CACHD1: variants seen among roughly 807,000 people sequenced by gnomAD.
CACHD1 encodes the protein VWFA and cache domain-containing protein 1.
In CACHD1, 71 loss-of-function variants were observed where a neutral mutation model predicts 138.7. That is an observed-to-expected ratio of 0.51 (90% CI 0.42 to 0.62). The LOEUF (loss-of-function observed/expected upper bound fraction) is 0.62, where lower values mean the gene tolerates loss of function less well. Among genes scored for constraint, CACHD1 ranks in the 20% least tolerant of loss-of-function variants. The pLI, the probability that CACHD1 is intolerant of heterozygous loss-of-function variation, is 0.00. For missense variants in CACHD1, 1,389 were observed against 1,625.3 expected (o/e 0.85, Z 2.50); for synonymous variants, 578 against 591.5 (o/e 0.98, Z 0.33).
At chr1:64,586,645 A>G (rs1647053685) in intron 3 of CACHD1, among the ~76,000 whole-genome samples, 1 of 152,180 alleles carries the variant, frequency 6.6e-6, no homozygotes, top group South Asian at 2.1e-4. Context: ...TGGTTGTTAT[A>G]GAGGAGATGT....
At chr1:64,560,498 G>A (rs887825135) in intron 2 of CACHD1, among the ~76,000 whole-genome samples, 5 of 151,840 alleles carry the variant, frequency 3.3e-5, no homozygotes, top group African/African-American at 9.7e-5. Flanking sequence ...TTTTCAAAAC[G>A]TTGTGGTCTT....
Position 64,634,270 on chromosome 1 carries a change from T to A in CACHD1, c.1006+10T>A. The A allele has an allele frequency of 6.2e-7, 1 of 1,611,110 alleles. No homozygotes were observed. The highest frequency in any genetic ancestry group is 8.5e-7 in the Non-Finnish European group (1 of 1,177,464). On this transcript the variant is annotated intron_variant, in intron 7 of 26. Coordinates refer to ENST00000651257, the MANE Select transcript of CACHD1 (RefSeq NM_020925.4). ...ACAAAGTTCCAAGCAAGTGAGTGCG[T>A]TCTCTCAGAGGACTTAGAGGCATAG...
intron 5 of CACHD1, among the ~76,000 whole-genome samples, 153 bp downstream of exon 5, chr1:64,629,634 G>A (rs1468924865): frequency 1.3e-5 from 2 of 151,968 alleles, no homozygotes; most frequent in South Asian, 2.1e-4. Context: ...TTTAGTATAT[G>A]TGGATGTGAA....
At chr1:64,515,308 G>T (rs1053112270) in intron 1 of CACHD1, among the ~76,000 whole-genome samples, 1 of 152,144 alleles carries the variant, frequency 6.6e-6, no homozygotes, top group Non-Finnish European at 1.5e-5. Context: ...AGCTATGGAA[G>T]TTATGTTCAG....
chr1:64,610,180 A>G (rs1570414452), intron 4 of CACHD1, among the ~76,000 whole-genome samples: 1 of 152,198 alleles, frequency 6.6e-6, no homozygotes, highest in East Asian at 1.9e-4. Flanking sequence ...CATGGGGATT[A>G]TGGAAACTAC....
chr1:64,643,559 G>A lies in CACHD1; in HGVS notation c.1156+1590G>A, dbSNP rs139431711. On this transcript the variant is annotated intron_variant, in intron 8 of 26. Transcript: ENST00000651257. ...GGTAAAGAAAGTGTCCTCAAAGACC[G>A]AGCTCGGTGGCTCATGCCTGTAATC... is the stretch of plus-strand genomic sequence containing the variant. Among the ~76,000 whole-genome samples, 15 of 152,296 alleles carry A rather than the reference G, an allele frequency of 9.8e-5. No homozygotes were observed. In the East Asian group the frequency reaches 2.1e-3, roughly 22 times the overall value.
At chr1:64,617,151 C>A (rs1395668642) in intron 4 of CACHD1, among the ~76,000 whole-genome samples, 2 of 36,170 alleles carry the variant, frequency 5.5e-5, no homozygotes, top group Non-Finnish European at 6.4e-5. Context: ...AAAAACAAAA[C>A]AAAACAAAAC....
At chr1:64,662,958 T>C (rs1291543853) in intron 13 of CACHD1, among the ~76,000 whole-genome samples, 1 of 152,236 alleles carries the variant, frequency 6.6e-6, no homozygotes, top group Non-Finnish European at 1.5e-5. Flanking sequence ...ACTCATTTGC[T>C]TTACAAATAT....
intron 1 of CACHD1, among the ~76,000 whole-genome samples, chr1:64,511,805 A>G (rs1439705072): frequency 6.6e-6 from 1 of 152,198 alleles, no homozygotes; most frequent in East Asian, 1.9e-4. Context: ...TCTAGAATAC[A>G]ATTGCCTTCC....
At chr1:64,494,494 T>A (rs1344462889) in intron 1 of CACHD1, among the ~76,000 whole-genome samples, 17 of 152,218 alleles carry the variant, frequency 1.1e-4, no homozygotes. Flanking sequence ...CCCAACAACA[T>A]CCCAAAGCTT....
chr1:64,658,984 G>T, intron 13 of CACHD1, 111 bp downstream of exon 13: 1 of 932,914 alleles, frequency 1.1e-6, no homozygotes, highest in Admixed American at 3.2e-5. Flanking sequence ...TGCCTGCAGA[G>T]TCAGCTGGTT....
At chr1:64,514,098 G>A (rs935289017) in intron 1 of CACHD1, among the ~76,000 whole-genome samples, 2 of 152,134 alleles carry the variant, frequency 1.3e-5, no homozygotes, top group Admixed American at 6.6e-5. Flanking sequence ...ATTTCCATCC[G>A]TGTTTTACTT....
intron 19 of CACHD1, 67 bp downstream of exon 19, chr1:64,673,531 T>C: frequency 8.1e-7 from 1 of 1,235,216 alleles, no homozygotes; most frequent in Non-Finnish European, 1.2e-6. Context: ...ATTGGAATCA[T>C]GGCTAGTGTC....
chr1:64,473,335 C>T (rs1029645976), intron 1 of CACHD1, among the ~76,000 whole-genome samples: 4 of 151,916 alleles, frequency 2.6e-5, no homozygotes, highest in African/African-American at 9.7e-5. Context: ...AAAAAAAAGT[C>T]GAATGCAGGT....
intron 1 of CACHD1, among the ~76,000 whole-genome samples, chr1:64,509,668 A>G (rs868573321): frequency 2.0e-5 from 3 of 152,248 alleles, no homozygotes; most frequent in Admixed American, 6.5e-5. Context: ...GGAAAACACT[A>G]CAACATTATA....
intron 1 of CACHD1, among the ~76,000 whole-genome samples, chr1:64,485,421 T>C (rs759426296): frequency 3.3e-5 from 5 of 152,230 alleles, no homozygotes; most frequent in Non-Finnish European, 7.3e-5. Flanking sequence ...GCATTTTGAG[T>C]CTGGCATCTT....
chr1:64,646,625 G>A (rs1458028276), intron 8 of CACHD1, among the ~76,000 whole-genome samples: 4 of 152,014 alleles, frequency 2.6e-5, no homozygotes, highest in South Asian at 4.1e-4. Context: ...CCAGCTACCC[G>A]GGAGACTGAG....
Position 64,470,589 on chromosome 1 carries a change from C to A in CACHD1, c.-156C>A, listed in dbSNP as rs1646137218. On this transcript the variant is annotated 5_prime_UTR_variant, in exon 1 of 27. Transcript: ENST00000651257. This position sits in a 1 kb window ranked among gnomAD's most constrained non-coding sequence, Gnocchi z 5.2. Reference sequence around the variant, plus strand: ...CGCTCCCGCGCTGTAGCCGGGCGCCCCCTAAGTTTGGGAGCCTTCGCCACC... The same window carrying A: ...CGCTCCCGCGCTGTAGCCGGGCGCCACCTAAGTTTGGGAGCCTTCGCCACC... 6.6e-6 allele frequency among the ~76,000 whole-genome samples: 1 copy of A among 151,872 alleles called. No individual in the cohort carries two copies. The highest frequency in any genetic ancestry group is 2.4e-5 in the African/African-American group (1 of 41,410).
At chr1:64,546,643 T>G (rs1331074973) in intron 1 of CACHD1, among the ~76,000 whole-genome samples, 1 of 152,156 alleles carries the variant, frequency 6.6e-6, no homozygotes, top group Non-Finnish European at 1.5e-5. Context: ...GGCTGATCAT[T>G]TTCATGTTTT....
Sources: gnomAD v4.1 joint callset for allele counts (sites outside exome capture counted in the v4.1 genomes callset) on GRCh38, gnomAD v4.1.1 for gene constraint, Gnocchi (gnomAD v3.1) non-coding constraint, MANE v1.5 for transcripts, NCBI Gene and HGNC (gene_info 2026-07-23, HGNC 2026-07-21) for gene names.